GEMIN8: variants seen among roughly 807,000 people sequenced by gnomAD.
GEMIN8 encodes the protein gem-associated protein 8.
For synonymous variants in GEMIN8, 80 were observed against 78.5 expected (o/e 1.02, Z -0.10); for missense variants, 185 against 205.9 (o/e 0.90, Z 0.62).
the GEMIN8 span, among the ~76,000 whole-genome samples, chrX:13,988,515 A>G: frequency 4.7e-5 from 5 of 107,003 alleles, no homozygotes; most frequent in Non-Finnish European, 9.6e-5. Context: ...TTCTCATCAC[A>G]CTCATCTGTA....
chrX:14,021,946 A>G (rs1369125931), intron 2 of GEMIN8, among the ~76,000 whole-genome samples: 8 of 97,841 alleles, frequency 8.2e-5, no homozygotes, highest in African/African-American at 3.1e-4. Flanking sequence ...ACACATATAT[A>G]TGTATATGTA....
chrX:14,001,669 C>T, the GEMIN8 span, among the ~76,000 whole-genome samples: 2 of 111,922 alleles, frequency 1.8e-5, no homozygotes, highest in African/African-American at 6.5e-5. Flanking sequence ...TACAGGTGTG[C>T]ACCACCACAC....
chrX:14,021,814 G>GTGTATATATATATATATA (rs372889181), intron 2 of GEMIN8, among the ~76,000 whole-genome samples: 27 of 78,260 alleles, frequency 3.5e-4, no homozygotes, highest in African/African-American at 1.3e-3. Flanking sequence ...TAATGTGTGT[G>GTGTATATATATATATATA]TATATATATA....
chrX:14,013,753 A>G (rs909107053), intron 4 of GEMIN8: 3 of 114,939 alleles, frequency 2.6e-5, no homozygotes, highest in Non-Finnish European at 5.2e-5. Flanking sequence ...GGTCCTGTTG[A>G]CCGCTTGATT....
downstream of GEMIN8, among the ~76,000 whole-genome samples, chrX:14,003,721 T>A (rs1336596329): frequency 5.3e-5 from 6 of 112,442 alleles, no homozygotes; most frequent in East Asian, 1.7e-3. Flanking sequence ...ATACATGATC[T>A]AAGGGTTTTG....
the GEMIN8 span, among the ~76,000 whole-genome samples, chrX:13,996,485 C>T: frequency 4.5e-5 from 5 of 111,479 alleles, no homozygotes; most frequent in African/African-American, 1.6e-4. Flanking sequence ...GAGACTTATT[C>T]ACTATCATGA....
At chrX:13,990,486 G>A in the GEMIN8 span, among the ~76,000 whole-genome samples, 1 of 112,087 alleles carries the variant, frequency 8.9e-6, no homozygotes, top group Non-Finnish European at 1.9e-5. Context: ...TGGCTTCTCA[G>A]CACTTTTACC....
the GEMIN8 span, among the ~76,000 whole-genome samples, chrX:13,997,853 C>T: frequency 7.8e-3 from 751 of 96,657 alleles, 8 homozygotes; most frequent in African/African-American, 0.027. Context: ...GAGCCGAGAT[C>T]ATGCCACTGC....
rs1169756628 is a variant in GEMIN8, at chrX:14,012,131, AT to A, written c.473-2963del. Among the ~76,000 whole-genome samples the A allele has an allele frequency of 4.1e-3, 401 of 96,913 alleles. 1 individual carries two copies. The highest frequency in any genetic ancestry group is 6.6e-3 in the African/African-American group (179 of 26,926). The allele number at this position is 96,913 out of a possible 115,157, so 84.2% of individuals were successfully genotyped here. A position where few individuals can be genotyped will look rare whatever the true frequency, so the allele number is the denominator to read the frequency against. On this transcript the variant is annotated intron_variant, in intron 4 of 4. Coordinates refer to ENST00000680255, the MANE Select transcript of GEMIN8 (RefSeq NM_001042479.2). ...CATTCCCATTCAGGCTTCCTCATGA[AT>A]TTTTTTTTTTTTTTTCGCTCTGTCA...
At chrX:14,005,760 CAGAT>C (rs1923130791), downstream of GEMIN8, among the ~76,000 whole-genome samples, 1 of 103,652 alleles carries the variant, frequency 9.6e-6, no homozygotes, top group East Asian at 2.9e-4. Context: ...ATGCTACCTC[CAGAT>C]AGATAGTGTC....
In GEMIN8 at chrX:14,008,355, C is replaced by G. The variant is rs1923291078; in HGVS notation, c.*558G>C. 1 of 112,904 alleles carries G rather than the reference C, an allele frequency of 8.9e-6. No individual in the cohort carries two copies. The highest frequency in any genetic ancestry group is 3.2e-5 in the African/African-American group (1 of 30,775). 9.3% of individuals were successfully genotyped at this position (112,904 alleles called of 1,213,427 possible). A position where few individuals can be genotyped will look rare whatever the true frequency, so the allele number is the denominator to read the frequency against. On this transcript the variant is annotated 3_prime_UTR_variant, in exon 5 of 5. Coordinates refer to ENST00000680255, the MANE Select transcript of GEMIN8 (RefSeq NM_001042479.2). The stretch of plus-strand genomic sequence containing the variant: ...CTTACTGTCTACAGCTGCTTTCACA[C>G]TACAAAGGGAGGGTTGAGTAGTCAC...
intron 4 of GEMIN8, among the ~76,000 whole-genome samples, chrX:14,010,779 G>A (rs1603187420): frequency 8.9e-6 from 1 of 112,152 alleles, no homozygotes; most frequent in South Asian, 3.7e-4. Flanking sequence ...CTGCGTAACT[G>A]CTACCTCACC....
chrX:13,996,095 A>T, the GEMIN8 span, among the ~76,000 whole-genome samples: 1 of 112,131 alleles, frequency 8.9e-6, no homozygotes, highest in African/African-American at 3.2e-5. Context: ...TCCATTATAT[A>T]AAATGGGGAC....
chrX:14,021,314 G>A, intron 3 of GEMIN8, 150 bp downstream of exon 3: 1 of 374,138 alleles, frequency 2.7e-6, no homozygotes, highest in Non-Finnish European at 4.8e-6. Flanking sequence ...GTTAATGGGT[G>A]CAGCACACCA....
rs1255837390 is a variant in GEMIN8, at chrX:14,028,807, T to C, written c.-116+970A>G. Among the ~76,000 whole-genome samples, 30 of 112,302 alleles carry C rather than the reference T, an allele frequency of 2.7e-4. No homozygotes were observed. The Admixed American group carries it at 2.8e-3, about 11-fold the overall frequency. On this transcript the variant is annotated intron_variant, in intron 1 of 4. Transcript: ENST00000680255. ...CTAACCAGCAGTCTTTAAAAATATA[T>C]GGTTTCTGTTCACATTGAAATTACA...
rs926125522 is a variant in GEMIN8 at position 14,007,757 on chromosome X, G to C, written c.*1156C>G. The stretch of plus-strand genomic sequence containing the variant: ...TTAGCCAGGATGGTCTCGATCTCCT[G>C]ATCTCGTGATCTGCCCACCTCAGCC... On this transcript the variant is annotated 3_prime_UTR_variant, in exon 5 of 5. Coordinates refer to ENST00000680255, the MANE Select transcript of GEMIN8 (RefSeq NM_001042479.2). Among the ~76,000 whole-genome samples the C allele has an allele frequency of 9.0e-6, 1 of 110,641 alleles. No homozygotes were observed. The highest frequency in any genetic ancestry group is 1.9e-5 in the Non-Finnish European group (1 of 52,907).
chrX:13,987,987 A>C, the GEMIN8 span, among the ~76,000 whole-genome samples: 2 of 111,276 alleles, frequency 1.8e-5, no homozygotes, highest in African/African-American at 6.5e-5. Context: ...AAGAAGGAAA[A>C]ATCTTTACAA....
Position 14,007,974 on chromosome X carries a change from T to C in GEMIN8, c.*939A>G, listed in dbSNP as rs1159082200. Among the ~76,000 whole-genome samples the C allele has an allele frequency of 9.0e-6, 1 of 111,634 alleles. No homozygotes were observed. Among genetic ancestry groups the C allele is most frequent in the Non-Finnish European group, 1.9e-5 (1 of 53,121 alleles). ...TACCATCTGTAGACCAAATCTGGCCTGCAGTCTGTTTTTGTTTTTGTTTTG... is the reference window on the plus strand; with the variant it reads ...TACCATCTGTAGACCAAATCTGGCCCGCAGTCTGTTTTTGTTTTTGTTTTG... On this transcript the variant is annotated 3_prime_UTR_variant, in exon 5 of 5. Coordinates refer to ENST00000680255, the MANE Select transcript of GEMIN8 (RefSeq NM_001042479.2).
At chrX:14,029,215 A>G (rs1924854236) in intron 1 of GEMIN8, among the ~76,000 whole-genome samples, 1 of 112,338 alleles carries the variant, frequency 8.9e-6, no homozygotes, top group South Asian at 3.7e-4. Context: ...ATGTCTCAAG[A>G]TAACTCCCAC....
Sources: gnomAD v4.1 joint callset for allele counts (sites outside exome capture counted in the v4.1 genomes callset) on GRCh38, gnomAD v4.1.1 for gene constraint, MANE v1.5 for transcripts, NCBI Gene and HGNC (gene_info 2026-07-23, HGNC 2026-07-21) for gene names.